Variants in RFX4 observed in about 807,000 individuals in gnomAD.
RFX4 encodes the protein transcription factor RFX4.
In RFX4, 10 loss-of-function variants were observed where a neutral mutation model predicts 95.0. The ratio of observed to expected loss-of-function variants is 0.11; its 90% confidence interval spans 0.06 to 0.18. The LOEUF is 0.18. Ranked by LOEUF, RFX4 falls within the 10% of genes least tolerant of loss-of-function variation. RFX4 has a pLI of 1.00. For synonymous variants in RFX4, 321 were observed against 340.7 expected, an observed-to-expected ratio of 0.94 and a Z score of 0.64; for missense variants, 640 against 922.0, an observed-to-expected ratio of 0.69 and a Z score of 3.96.
chr12:106,614,203 C>T (rs1437257045), intron 2 of RFX4, among the ~76,000 whole-genome samples: 1 of 152,028 alleles, frequency 6.6e-6, no homozygotes, highest in African/African-American at 2.4e-5. Context: ...CTCTGTCACC[C>T]AAGCTGGAGT....
intron 2 of RFX4, among the ~76,000 whole-genome samples, chr12:106,609,848 A>G (rs2039920826): frequency 2.0e-5 from 3 of 152,070 alleles, no homozygotes; most frequent in African/African-American, 7.2e-5. Context: ...CCTCCCTGTC[A>G]ATCACTACTG....
chr12:106,610,963 TC>T (rs1329800753), intron 2 of RFX4, among the ~76,000 whole-genome samples: 1 of 152,194 alleles, frequency 6.6e-6, no homozygotes, highest in Non-Finnish European at 1.5e-5. Context: ...TTTTGCCACT[TC>T]CTAGTCATCA....
Position 106,589,663 on chromosome 12 carries a change from G to A in RFX4, c.43+6300G>A, listed in dbSNP as rs535163390. ...ACCCAGGCCACATCACCTAGACTCT[G>A]CTGTCGTGATAGGTCAGGGTTTAGT... On this transcript the variant is annotated intron_variant, in intron 1 of 17. Transcript: ENST00000392842. Among the ~76,000 whole-genome samples, 7 of 152,290 alleles carry A rather than the reference G, an allele frequency of 4.6e-5. No homozygotes were observed. The East Asian group carries it at 1.4e-3, about 29-fold the overall frequency.
chr12:106,723,223 T>C (rs767348137), intron 13 of RFX4, among the ~76,000 whole-genome samples: 1 of 151,108 alleles, frequency 6.6e-6, no homozygotes, highest in Non-Finnish European at 1.5e-5. Flanking sequence ...AGCCAGACTT[T>C]CTTTCTTTGC....
intron 4 of RFX4, among the ~76,000 whole-genome samples, chr12:106,673,408 C>G (rs1012072932): frequency 6.6e-6 from 1 of 152,170 alleles, no homozygotes; most frequent in Non-Finnish European, 1.5e-5. Context: ...AGGAGGCAAG[C>G]CTGGGTACCC....
At chr12:106,740,103 C>T (rs1049839650) in intron 15 of RFX4, among the ~76,000 whole-genome samples, 2 of 152,156 alleles carry the variant, frequency 1.3e-5, no homozygotes, top group Non-Finnish European at 2.9e-5. Flanking sequence ...TTTCAACTTC[C>T]CACCATGGGT....
At chr12:106,656,727 C>G (rs920088256) in intron 4 of RFX4, among the ~76,000 whole-genome samples, 2 of 152,088 alleles carry the variant, frequency 1.3e-5, no homozygotes, top group Admixed American at 6.6e-5. Flanking sequence ...GAGACACCCC[C>G]CACCAAATGT....
chr12:106,737,186 T>G (rs1476969675), intron 15 of RFX4, among the ~76,000 whole-genome samples: 4 of 107,354 alleles, frequency 3.7e-5, no homozygotes, highest in Admixed American at 8.8e-5. Flanking sequence ...TTTTTTTTTT[T>G]TTTTTTTTTT....
At chr12:106,668,843 G>A (rs1051930414) in intron 4 of RFX4, among the ~76,000 whole-genome samples, 3 of 152,134 alleles carry the variant, frequency 2.0e-5, no homozygotes, top group African/African-American at 7.2e-5. Flanking sequence ...GACTGTGGAG[G>A]GTGACATGAT....
intron 1 of RFX4, among the ~76,000 whole-genome samples, chr12:106,587,013 C>T (rs2039469077): frequency 6.6e-6 from 1 of 152,206 alleles, no homozygotes; most frequent in African/African-American, 2.4e-5. Flanking sequence ...CATGTGCGCC[C>T]CCATCTCTGC....
chr12:106,733,136 GC>G, intron 15 of RFX4, 51 bp downstream of exon 15: 1 of 1,586,260 alleles, frequency 6.3e-7, no homozygotes, highest in Non-Finnish European at 8.7e-7. Flanking sequence ...TGAAGAAAGG[GC>G]TTTCTGCCAG....
chr12:106,643,384 G>A (rs2040675623), intron 3 of RFX4, among the ~76,000 whole-genome samples: 1 of 152,178 alleles, frequency 6.6e-6, no homozygotes, highest in Middle Eastern at 3.2e-3. Flanking sequence ...TGAGGTGGGA[G>A]AGGCAGGCAG....
At chr12:106,616,587 G>A (rs1179508860) in intron 2 of RFX4, among the ~76,000 whole-genome samples, 2 of 151,980 alleles carry the variant, frequency 1.3e-5, no homozygotes, top group Non-Finnish European at 2.9e-5. Context: ...ACTGGGTTTG[G>A]AATTTTCTTT....
At chr12:106,712,819 C>A (rs913392060) in intron 10 of RFX4, among the ~76,000 whole-genome samples, 2 of 152,198 alleles carry the variant, frequency 1.3e-5, no homozygotes, top group African/African-American at 4.8e-5. Flanking sequence ...AGGATGCATG[C>A]CAGCATCTGG....
chr12:106,585,047 C>T (rs1470119052), intron 1 of RFX4, among the ~76,000 whole-genome samples: 1 of 152,242 alleles, frequency 6.6e-6, no homozygotes, highest in African/African-American at 2.4e-5. Context: ...GCGCCCTCAC[C>T]ACCTCCTGAG....
At chr12:106,623,229 A>G (rs58320321) in intron 2 of RFX4, among the ~76,000 whole-genome samples, 3,245 of 145,656 alleles carry the variant, frequency 0.022, 122 homozygotes, top group African/African-American at 0.076. Context: ...TAGTAGAGAC[A>G]GGGTTTCACG....
At chr12:106,664,239 G>T (rs1261497122) in intron 4 of RFX4, among the ~76,000 whole-genome samples, 1 of 151,882 alleles carries the variant, frequency 6.6e-6, no homozygotes, top group Non-Finnish European at 1.5e-5. Context: ...ATACTTAATA[G>T]ATATAGACCT....
intron 2 of RFX4, 34 bp from the exon 3 acceptor site, chr12:106,639,298 A>G: frequency 6.3e-7 from 1 of 1,592,926 alleles, no homozygotes. Context: ...ACTGTTTCCT[A>G]CTGAAGTTAG....
At chr12:106,598,242 A>G (rs1734745044) in intron 1 of RFX4, among the ~76,000 whole-genome samples, 1 of 152,196 alleles carries the variant, frequency 6.6e-6, no homozygotes, top group South Asian at 2.1e-4. Flanking sequence ...ACAAAGAAAA[A>G]ATGATATGCA....
Sources: allele counts gnomAD v4.1 joint callset (sites outside exome capture counted in the v4.1 genomes callset), GRCh38; gene constraint gnomAD v4.1.1; transcripts MANE v1.5; gene names NCBI Gene and HGNC (gene_info 2026-07-23, HGNC 2026-07-21).